Variants in FAM135B observed in about 807,000 individuals in gnomAD.
The protein encoded by FAM135B is family with sequence similarity 135 member B.
In FAM135B, 43 loss-of-function variants were observed where a neutral mutation model predicts 127.7. The observed-to-expected ratio is 0.34, with a 90% CI of 0.26 to 0.43. The LOEUF (loss-of-function observed/expected upper bound fraction) is 0.43. Among genes scored for constraint, FAM135B ranks in the 20% least tolerant of loss-of-function variants. The probability of loss-of-function intolerance (pLI) is 1.00; values close to 1 mark genes in which losing one functional copy is unlikely to be tolerated. For missense variants in FAM135B, 1,558 were observed against 1,725.6 expected (o/e 0.90, Z 1.72); for synonymous variants, 670 against 665.1 (o/e 1.01, Z -0.11).
rs2130632541 is a variant in FAM135B, at chr8:138,265,831, G to A, written c.169C>T (p.Leu57=). The change falls in exon 4 of 20, where the codon CTG becomes TTG. Residue 57 remains leucine, a synonymous_variant. Transcript: ENST00000395297. ...CTGTCATGGACACAGGCTGAATGCA[G>A]GCTGCTGCTCTCTGCAAAACAAGAA... is the stretch of plus-strand genomic sequence containing the variant. The part of the protein sequence containing the change: ...SIAGQTESSS[L]HSACVHDSTV... The A allele has an allele frequency of 1.2e-6, 2 of 1,613,612 alleles. No individual in the cohort carries two copies. Among genetic ancestry groups the A allele is most frequent in the Non-Finnish European group, 1.7e-6 (2 of 1,179,932 alleles).
intron 1 of FAM135B, among the ~76,000 whole-genome samples, chr8:138,433,449 G>T (rs1411827301): frequency 6.6e-6 from 1 of 151,714 alleles, no homozygotes; most frequent in African/African-American, 2.4e-5. Context: ...ATTGAACCCG[G>T]ACAGCAGAGG....
chr8:138,367,431 A>G (rs1434647656), intron 2 of FAM135B: 1 of 456,780 alleles, frequency 2.2e-6, no homozygotes, highest in East Asian at 6.9e-5. Context: ...TGAAAGCATT[A>G]TACTTCAGTT....
In FAM135B at chr8:138,416,219, C is replaced by T. The variant is rs557735905; in HGVS notation, c.-19-48217G>A. Among the ~76,000 whole-genome samples the T allele has an allele frequency of 2.0e-5, 3 of 152,300 alleles. No homozygotes were observed. The East Asian group carries it at 5.8e-4, about 29-fold the overall frequency. ...AAACTAGGAGAATAGTAAAGCAGAG[C>T]AATAGAGAGGTTAAAGCACAGGAGC... On this transcript the variant is annotated intron_variant, in intron 1 of 19. Transcript: ENST00000395297.
At chr8:138,174,639 T>C (rs1373295394) in intron 11 of FAM135B, among the ~76,000 whole-genome samples, 1 of 152,200 alleles carries the variant, frequency 6.6e-6, no homozygotes, top group Non-Finnish European at 1.5e-5. Context: ...ATGTCTACTA[T>C]TTACTGAATG....
chr8:138,470,688 G>T (rs974720004), intron 1 of FAM135B, among the ~76,000 whole-genome samples: 2 of 152,088 alleles, frequency 1.3e-5, no homozygotes, highest in African/African-American at 4.8e-5. Context: ...ACACAACTGG[G>T]TACTAGAGAC....
chr8:138,452,615 TA>T (rs1836560845), intron 1 of FAM135B, among the ~76,000 whole-genome samples: 2 of 152,186 alleles, frequency 1.3e-5, no homozygotes, highest in African/African-American at 4.8e-5. Flanking sequence ...ATTATGTAAA[TA>T]CTCAGCAATT....
chr8:138,435,363 C>T (rs1189108002), intron 1 of FAM135B, among the ~76,000 whole-genome samples: 1 of 152,022 alleles, frequency 6.6e-6, no homozygotes, highest in Admixed American at 6.6e-5. Flanking sequence ...TGCCTCAATG[C>T]ACCTCATCTC....
chr8:138,383,669 A>G (rs1361182833), intron 1 of FAM135B, among the ~76,000 whole-genome samples: 1 of 152,222 alleles, frequency 6.6e-6, no homozygotes, highest in African/African-American at 2.4e-5. Context: ...TTTGTGTGTG[A>G]GCGGCAACTG....
chr8:138,323,029 C>A (rs1008711618), intron 2 of FAM135B, among the ~76,000 whole-genome samples: 2 of 152,234 alleles, frequency 1.3e-5, no homozygotes, highest in Non-Finnish European at 2.9e-5. Flanking sequence ...GACTATGAAC[C>A]ATTCTGTTGC....
chr8:138,176,468 G>A (rs1261579258), intron 11 of FAM135B, among the ~76,000 whole-genome samples: 1 of 152,186 alleles, frequency 6.6e-6, no homozygotes. Flanking sequence ...GTGAATGACC[G>A]TAGAAATTCC....
chr8:138,233,009 G>T (rs1027008726), intron 7 of FAM135B, among the ~76,000 whole-genome samples: 5 of 152,026 alleles, frequency 3.3e-5, no homozygotes, highest in African/African-American at 1.2e-4. Context: ...GACTATATTA[G>T]ATACCTCCTA....
At chr8:138,452,202 T>C (rs1247943436) in intron 1 of FAM135B, among the ~76,000 whole-genome samples, 1 of 146,848 alleles carries the variant, frequency 6.8e-6, no homozygotes, top group Non-Finnish European at 1.5e-5. Context: ...TGATCTCGGC[T>C]CACTGCAACC....
chr8:138,271,865 C>T (rs1291986309), intron 3 of FAM135B, among the ~76,000 whole-genome samples: 4 of 152,040 alleles, frequency 2.6e-5, no homozygotes, highest in Non-Finnish European at 5.9e-5. Flanking sequence ...ATTCTAGATA[C>T]TTTATGTTCC....
chr8:138,181,633 TA>T (rs1453248129), intron 9 of FAM135B, among the ~76,000 whole-genome samples: 1 of 152,188 alleles, frequency 6.6e-6, no homozygotes, highest in Non-Finnish European at 1.5e-5. Context: ...TTTTCATCAC[TA>T]TGGACTTGTC....
intron 1 of FAM135B, among the ~76,000 whole-genome samples, chr8:138,444,603 C>T (rs1162193533): frequency 2.6e-5 from 4 of 152,004 alleles, no homozygotes; most frequent in South Asian, 2.1e-4. Flanking sequence ...TTGAAACCCA[C>T]GAGAACAAAG....
At chr8:138,393,844 C>A (rs774874457) in intron 1 of FAM135B, among the ~76,000 whole-genome samples, 1 of 152,144 alleles carries the variant, frequency 6.6e-6, no homozygotes, top group African/African-American at 2.4e-5. Context: ...TAAGACAGAA[C>A]AAACATTCTG....
chr8:138,433,359 TAAAA>T (rs1383293884), intron 1 of FAM135B, among the ~76,000 whole-genome samples: 1 of 151,362 alleles, frequency 6.6e-6, no homozygotes, highest in South Asian at 2.1e-4. Flanking sequence ...CCGTCTCTAT[TAAAA>T]AAACAAAAAT....
rs2131218106 is a variant in FAM135B at position 138,368,014 on chromosome 8, G to C, written c.-19-12C>G. On this transcript the variant is annotated splice_polypyrimidine_tract_variant and intron_variant, in intron 1 of 19. Coordinates refer to ENST00000395297, the MANE Select transcript of FAM135B (RefSeq NM_015912.4). ...TTTTGGCTCATTACCTGAAAAACAA[G>C]AGAGAAATTAACAGTTTGAGATCAC... 1.9e-6 allele frequency: 3 copies of C among 1,591,852 alleles called. No homozygotes were observed. The highest frequency in any genetic ancestry group is 2.6e-6 in the Non-Finnish European group (3 of 1,160,308).
chr8:138,319,738 C>T (rs1213531637), intron 2 of FAM135B, among the ~76,000 whole-genome samples: 1 of 152,172 alleles, frequency 6.6e-6, no homozygotes, highest in Non-Finnish European at 1.5e-5. Flanking sequence ...CCCCCAACCC[C>T]TGACATACAC....
Sources: allele counts gnomAD v4.1 joint callset (sites outside exome capture counted in the v4.1 genomes callset), GRCh38; gene constraint gnomAD v4.1.1; transcripts MANE v1.5; gene names NCBI Gene and HGNC (gene_info 2026-07-23, HGNC 2026-07-21).